GRM2: variants seen among roughly 807,000 people sequenced by gnomAD.
GRM2 encodes metabotropic glutamate receptor 2.
In GRM2, 35 loss-of-function variants were observed where a neutral mutation model predicts 60.4. The observed-to-expected ratio is 0.58, with a 90% CI of 0.44 to 0.77. GRM2 has a LOEUF of 0.77. Ranked by LOEUF, GRM2 falls within the 30% of genes least tolerant of loss-of-function variation. The pLI, the probability that GRM2 is intolerant of heterozygous loss-of-function variation, is 0.00. For missense variants in GRM2, 925 were observed against 1,199.5 expected, an observed-to-expected ratio of 0.77 and a Z score of 3.38; for synonymous variants, 437 against 484.1, an observed-to-expected ratio of 0.90 and a Z score of 1.28.
Position 51,718,004 on chromosome 3 carries a change from G to C in GRM2, c.2546-35G>C. On this transcript the variant is annotated intron_variant, in intron 5 of 5. Transcript: ENST00000395052. This position sits in a 1 kb window ranked among gnomAD's most constrained non-coding sequence, Gnocchi z 4.2. Reference sequence around the variant, plus strand: ...CTGCCTGCCCTCCATGGAGGACCTCGGGATTGGCCCCAACCTCTGGCTTCC... The same window carrying C: ...CTGCCTGCCCTCCATGGAGGACCTCCGGATTGGCCCCAACCTCTGGCTTCC... The C allele has an allele frequency of 6.2e-7, 1 of 1,600,668 alleles. No individual in the cohort carries two copies. Among genetic ancestry groups the C allele is most frequent in the Non-Finnish European group, 8.6e-7 (1 of 1,167,698 alleles).
In GRM2 at chr3:51,709,211, G is replaced by C; in HGVS notation, c.228G>C (p.Pro76=). ...LFALDRINRD[P]HLLPGVRLGA... ...CACTGGACCGCATCAACCGTGACCC[G>C]CACCTGCTGCCTGGCGTGCGCCTGG... is the stretch of plus-strand genomic sequence containing the variant. The change falls in exon 2 of 6, where the codon CCG becomes CCC. Residue 76 remains proline (P), a synonymous_variant. Transcript: ENST00000395052. 6.2e-7 allele frequency: 1 copy of C among 1,610,118 alleles called. No individual in the cohort carries two copies. Among genetic ancestry groups the C allele is most frequent in the Non-Finnish European group, 8.5e-7 (1 of 1,177,998 alleles).
At position 51,712,377 on chromosome 3, in the gene GRM2, G is replaced by A; in HGVS notation, c.451-96G>A. 1.2e-6 allele frequency: 1 copy of A among 806,480 alleles called. No individual in the cohort carries two copies. The highest frequency in any genetic ancestry group is 2.1e-6 in the Non-Finnish European group (1 of 476,530). The allele number at this position is 806,480 out of a possible 1,614,324, so 50.0% of individuals were successfully genotyped here. Reference sequence around the variant, plus strand: ...GGGAGCCTTTAGGCCTGACCTTGTGGACACTTGACACCAAGACCTGCTAGC... The same window carrying A: ...GGGAGCCTTTAGGCCTGACCTTGTGAACACTTGACACCAAGACCTGCTAGC... On this transcript the variant is annotated intron_variant, in intron 2 of 5. Coordinates refer to ENST00000395052, the MANE Select transcript of GRM2 (RefSeq NM_000839.5). The surrounding 1 kb of genome is among the most constrained non-coding windows in gnomAD (Gnocchi z 5.3).
intron 2 of GRM2, among the ~76,000 whole-genome samples, chr3:51,709,884 G>A (rs1703651644): frequency 1.3e-5 from 1 of 74,656 alleles, no homozygotes; most frequent in African/African-American, 5.0e-5. Context: ...TAACCCTGAG[G>A]GGCTTAATAG....
chr3:51,709,260 T>C lies in GRM2; in HGVS notation c.277T>C (p.Ser93Pro). 2 of 1,604,100 alleles carry C rather than the reference T, an allele frequency of 1.2e-6. No individual in the cohort carries two copies. Among genetic ancestry groups the C allele is most frequent in the Non-Finnish European group, 1.7e-6 (2 of 1,172,924 alleles). Reference sequence around the variant, plus strand: ...GGGTGCACACATCCTCGACAGTTGCTCCAAGGACACACATGCGCTGGAGCA... The same window carrying C: ...GGGTGCACACATCCTCGACAGTTGCCCCAAGGACACACATGCGCTGGAGCA... ...RLGAHILDSC[S>P]KDTHALEQAL... The change falls in exon 2 of 6, where the codon TCC becomes CCC. Residue 93 changes from serine (S) to proline (P), a missense_variant. Physicochemically the swap from Ser to Pro is moderately conservative, Grantham distance 74. Transcript: ENST00000395052.
Position 51,713,298 on chromosome 3 carries a change from G to T in GRM2, c.1276G>T (p.Val426Phe). 6.2e-7 allele frequency: 1 copy of T among 1,605,268 alleles called. No individual in the cohort carries two copies. Among genetic ancestry groups the T allele is most frequent in the Non-Finnish European group, 8.5e-7 (1 of 1,174,294 alleles). The change falls in exon 3 of 6, where the codon GTC becomes TTC. Residue 426 changes from valine to phenylalanine, a missense_variant. By Grantham distance (50) the Val-to-Phe change is conservative (BLOSUM62 -1). Transcript: ENST00000395052. The surrounding 1 kb of genome is among the most constrained non-coding windows in gnomAD (Gnocchi z 4.8). ...CCTCTACAAGGACTTTGTGCTCAAC[G>T]TCAAGTTTGATGGTAATGGTGTTGG... ...RRLYKDFVLN[V>F]KFDAPFRPAD...
Position 51,709,433 on chromosome 3 carries a change from G to T in GRM2, c.450G>T (p.Gln150His). 6.5e-7 allele frequency: 1 copy of T among 1,527,566 alleles called. No homozygotes were observed. The highest frequency in any genetic ancestry group is 1.2e-5 in the South Asian group (1 of 80,076). The allele number at this position is 1,527,566 out of a possible 1,614,324, so 94.6% of individuals were successfully genotyped here. A position where few individuals can be genotyped will look rare whatever the true frequency, so the allele number is the denominator to read the frequency against. The change falls in exon 2 of 6, where the codon CAG becomes CAT. Residue 150 changes from glutamine (Q) to histidine (H), a missense_variant and splice_region_variant. Coordinates refer to ENST00000395052, the MANE Select transcript of GRM2 (RefSeq NM_000839.5). Reference protein sequence around the residue: ...IGGSYSDVSIQVANLLRLFQI... With the variant: ...IGGSYSDVSIHVANLLRLFQI... Reference sequence around the variant, plus strand: ...GTTCCTACAGTGATGTCTCCATCCAGGTACGTGGAAGCCACCCAAATGGGG... The same window carrying T: ...GTTCCTACAGTGATGTCTCCATCCATGTACGTGGAAGCCACCCAAATGGGG...
chr3:51,717,763 C>A lies in GRM2; in HGVS notation c.2491C>A (p.Pro831Thr), dbSNP rs1376714522. 15 of 1,614,030 alleles carry A rather than the reference C, an allele frequency of 9.3e-6. No individual in the cohort carries two copies. Among genetic ancestry groups the A allele is most frequent in the Non-Finnish European group, 1.3e-5 (15 of 1,180,032 alleles). The change falls in exon 5 of 6, where the codon CCC (proline) becomes ACC (threonine). Residue 831 changes from proline to threonine, a missense_variant. Transcript: ENST00000395052. The surrounding 1 kb of genome is among the most constrained non-coding windows in gnomAD (Gnocchi z 6.0). ...GAAGAACGTGGTTAGCCACCGGGCA[C>A]CCACCAGCCGCTTTGGCAGTGCTGC... The part of the protein sequence containing the change: ...PQKNVVSHRA[P>T]TSRFGSAAAR...
intron 2 of GRM2, among the ~76,000 whole-genome samples, chr3:51,709,784 ACCCACACACAC>A (rs1279250949): frequency 5.9e-4 from 4 of 6,746 alleles, no homozygotes; most frequent in Non-Finnish European, 1.2e-3. Flanking sequence ...CACCCCACAC[ACCCACACACAC>A]CCCACACCCA....
At position 51,713,303 on chromosome 3, in the gene GRM2, G is replaced by C; in HGVS notation, c.1281G>C (p.Lys427Asn). 1.9e-6 allele frequency: 3 copies of C among 1,602,382 alleles called. No individual in the cohort carries two copies. The highest frequency in any genetic ancestry group is 2.6e-6 in the Non-Finnish European group (3 of 1,172,016). ...RLYKDFVLNVKFDAPFRPADT... is the reference protein window; with the variant it reads ...RLYKDFVLNVNFDAPFRPADT... ...ACAAGGACTTTGTGCTCAACGTCAA[G>C]TTTGATGGTAATGGTGTTGGCCAGT... The change falls in exon 3 of 6, where the codon AAG (lysine) becomes AAC (asparagine). Residue 427 changes from lysine to asparagine, a missense_variant. Coordinates refer to ENST00000395052, the MANE Select transcript of GRM2 (RefSeq NM_000839.5). The surrounding 1 kb of genome is among the most constrained non-coding windows in gnomAD (Gnocchi z 4.8).
Position 51,713,208 on chromosome 3 carries a change from C to T in GRM2, c.1186C>T (p.His396Tyr). ...YAMAHALHNM[H>Y]RALCPNTTRL... ...CATGGCCCATGCGCTCCACAACATG[C>T]ACCGTGCCCTCTGCCCCAACACCAC... Residue 396 changes from histidine (H) to tyrosine (Y), a missense_variant, in exon 3 of 6, where the codon CAC (histidine) becomes TAC (tyrosine). By Grantham distance (83) the His-to-Tyr change is moderately conservative. Transcript: ENST00000395052. The surrounding 1 kb of genome is among the most constrained non-coding windows in gnomAD (Gnocchi z 4.8). 1 of 1,613,204 alleles carries T rather than the reference C, an allele frequency of 6.2e-7. No individual in the cohort carries two copies. The highest frequency in any genetic ancestry group is 8.5e-7 in the Non-Finnish European group (1 of 1,180,028).
Position 51,718,234 on chromosome 3 carries a change from C to G in GRM2, c.*122C>G. ...TTTATTACCCACCCTATGTCTGCCC[C>G]CAAAGTCACTTACCCACCTCCTTAC... On this transcript the variant is annotated 3_prime_UTR_variant, in exon 6 of 6. Coordinates refer to ENST00000395052, the MANE Select transcript of GRM2 (RefSeq NM_000839.5). This position sits in a 1 kb window ranked among gnomAD's most constrained non-coding sequence, Gnocchi z 4.2. The G allele has an allele frequency of 1.2e-6, 1 of 839,036 alleles. No homozygotes were observed. Among genetic ancestry groups the G allele is most frequent in the Middle Eastern group, 2.2e-4 (1 of 4,486 alleles). 52.0% of individuals were successfully genotyped at this position (839,036 alleles called of 1,614,324 possible). A position where few individuals can be genotyped will look rare whatever the true frequency, so the allele number is the denominator to read the frequency against.
chr3:51,709,685 C>CT (rs1441553189), intron 2 of GRM2, among the ~76,000 whole-genome samples: 1 of 123,672 alleles, frequency 8.1e-6, no homozygotes. Flanking sequence ...CACACACACA[C>CT]CCCACACACC....
chr3:51,708,920 G>T lies in GRM2; in HGVS notation c.-64G>T, dbSNP rs778873506. On this transcript the variant is annotated 5_prime_UTR_variant, in exon 2 of 6. Transcript: ENST00000395052. ...CCTGTTTCCTCCTCTCTTTGCCTTC[G>T]CTGCTTCTAATCTCATCCCCTGGAG... 5.4e-5 allele frequency: 69 copies of T among 1,279,678 alleles called. No individual in the cohort carries two copies. In the South Asian group the frequency reaches 9.7e-4, roughly 18 times the overall value. 79.3% of individuals were successfully genotyped at this position (1,279,678 alleles called of 1,614,324 possible). A position where few individuals can be genotyped will look rare whatever the true frequency, so the allele number is the denominator to read the frequency against.
Position 51,717,578 on chromosome 3 carries a change from G to A in GRM2, c.2365-59G>A. The A allele has an allele frequency of 1.4e-6, 2 of 1,381,342 alleles. No individual in the cohort carries two copies. Among genetic ancestry groups the A allele is most frequent in the Admixed American group, 3.5e-5 (2 of 57,376 alleles). 85.6% of individuals were successfully genotyped at this position (1,381,342 alleles called of 1,614,324 possible). On this transcript the variant is annotated intron_variant, in intron 4 of 5. Transcript: ENST00000395052. This position sits in a 1 kb window ranked among gnomAD's most constrained non-coding sequence, Gnocchi z 6.0. Reference sequence around the variant, plus strand: ...TCCCTCCCCCACAGATCAGGCAGGGGGTCCTGGGGTCAGGCCCAGGTCTTG... The same window carrying A: ...TCCCTCCCCCACAGATCAGGCAGGGAGTCCTGGGGTCAGGCCCAGGTCTTG...
intron 1 of GRM2, 92 bp from the exon 2 acceptor site, chr3:51,708,756 A>G (rs749178115): frequency 4.0e-6 from 2 of 497,464 alleles, no homozygotes; most frequent in Non-Finnish European, 3.6e-6. Context: ...TACCTAGGAA[A>G]GGGGCTCGTG....
chr3:51,712,916 G>T lies in GRM2; in HGVS notation c.894G>T (p.Gly298=). 6.2e-7 allele frequency: 1 copy of T among 1,613,006 alleles called. No individual in the cohort carries two copies. The highest frequency in any genetic ancestry group is 8.5e-7 in the Non-Finnish European group (1 of 1,180,024). ...SFTWVASDGW[G]ALESVVAGSE... is the part of the protein sequence containing the mutation. ...CCTGGGTGGCCAGTGATGGTTGGGG[G>T]GCCCTGGAGAGTGTGGTGGCAGGCA... The change falls in exon 3 of 6, where the codon GGG becomes GGT. Residue 298 remains glycine (G), a synonymous_variant. Transcript: ENST00000395052. This position sits in a 1 kb window ranked among gnomAD's most constrained non-coding sequence, Gnocchi z 5.3.
chr3:51,715,109 T>C lies in GRM2; in HGVS notation c.1336T>C (p.Phe446Leu). The change falls in exon 4 of 6, where the codon TTT becomes CTT. Residue 446 changes from phenylalanine (F) to leucine (L), a missense_variant. Phe to Leu is a conservative substitution (Grantham distance 22). Transcript: ENST00000395052. This position sits in a 1 kb window ranked among gnomAD's most constrained non-coding sequence, Gnocchi z 9.0. Reference sequence around the variant, plus strand: ...CCACAATGAGGTCCGCTTTGACCGCTTTGGTGATGGTATTGGCCGCTACAA... The same window carrying C: ...CCACAATGAGGTCCGCTTTGACCGCCTTGGTGATGGTATTGGCCGCTACAA... ...DTHNEVRFDR[F>L]GDGIGRYNIF... The C allele has an allele frequency of 6.3e-7, 1 of 1,596,088 alleles. No homozygotes were observed. The highest frequency in any genetic ancestry group is 2.2e-5 in the East Asian group (1 of 44,636).
chr3:51,714,997 A>C, intron 3 of GRM2, 65 bp from the exon 4 acceptor site: 1 of 989,092 alleles, frequency 1.0e-6, no homozygotes, highest in Non-Finnish European at 1.5e-6. Flanking sequence ...GTTAGGGTGA[A>C]TGTTGAGGTC....
chr3:51,709,652 A>C (rs535972898), intron 2 of GRM2, among the ~76,000 whole-genome samples: 38 of 97,662 alleles, frequency 3.9e-4, no homozygotes, highest in African/African-American at 1.2e-3. Flanking sequence ...CATTACTCCC[A>C]CACACACACA....
Sources: allele counts gnomAD v4.1 joint callset (sites outside exome capture counted in the v4.1 genomes callset), GRCh38; gene constraint gnomAD v4.1.1; non-coding constraint Gnocchi (gnomAD v3.1); transcripts MANE v1.5; gene names NCBI Gene and HGNC (gene_info 2026-07-23, HGNC 2026-07-21).